Variants in PLXNA4 observed in about 807,000 individuals in gnomAD.
PLXNA4 encodes the protein plexin A4.
Under a neutral mutation model 191.8 loss-of-function variants are expected in PLXNA4, and 44 were observed. The ratio of observed to expected loss-of-function variants is 0.23; its 90% CI spans 0.18 to 0.29. The LOEUF (loss-of-function observed/expected upper bound fraction) is 0.29. Among genes scored for constraint, PLXNA4 ranks in the 10% least tolerant of loss-of-function variants. The probability of loss-of-function intolerance (pLI) is 1.00; values close to 1 mark genes in which losing one functional copy is unlikely to be tolerated. For missense variants in PLXNA4, 1,800 were observed against 2,488.8 expected (o/e 0.72, Z 5.89); for synonymous variants, 1,082 against 1,009.5 (o/e 1.07, Z -1.36).
intron 3 of PLXNA4, among the ~76,000 whole-genome samples, chr7:132,416,387 C>T (rs1794661921): frequency 1.3e-5 from 2 of 152,202 alleles, no homozygotes; most frequent in Middle Eastern, 3.2e-3. Flanking sequence ...TTAGCATATT[C>T]AACCTCTTTT....
chr7:132,378,080 A>T (rs1431744203), intron 3 of PLXNA4, among the ~76,000 whole-genome samples: 1 of 151,506 alleles, frequency 6.6e-6, no homozygotes, highest in Non-Finnish European at 1.5e-5. Context: ...CAACCATCAC[A>T]CTCTCCTGGT....
At chr7:132,274,335 CA>C (rs1250772782) in intron 4 of PLXNA4, among the ~76,000 whole-genome samples, 1 of 151,676 alleles carries the variant, frequency 6.6e-6, no homozygotes, top group Admixed American at 6.6e-5. Context: ...TTTGGACTTA[CA>C]AAAAAGTTAC....
At chr7:132,564,051 C>CG (rs1311980495) in intron 1 of PLXNA4, among the ~76,000 whole-genome samples, 46 of 490 alleles carry the variant, frequency 0.094, 5 homozygotes, top group East Asian at 0.25. Flanking sequence ...TTTTCCTCCC[C>CG]CTCTTTCTCC....
chr7:132,623,705 G>A (rs1209268428), intron 2 of PLXNA4, among the ~76,000 whole-genome samples: 2 of 152,140 alleles, frequency 1.3e-5, no homozygotes, highest in Non-Finnish European at 2.9e-5. Flanking sequence ...GGACCCTGGG[G>A]CTCTACAGAG....
chr7:132,294,317 C>G (rs1800997545), intron 4 of PLXNA4, among the ~76,000 whole-genome samples: 1 of 152,176 alleles, frequency 6.6e-6, no homozygotes, highest in Non-Finnish European at 1.5e-5. Flanking sequence ...ATTTCTGTGT[C>G]CAGAGCACTC....
rs752577095 is a variant in PLXNA4 at position 132,228,469 on chromosome 7, A to T, written c.1605T>A (p.Thr535=). 2.4e-5 allele frequency: 39 copies of T among 1,613,986 alleles called. No homozygotes were observed. In the East Asian group the frequency reaches 6.9e-4, roughly 29 times the overall value. Reference sequence around the variant, plus strand: ...GCTCACACCGCTCCTTCCGGGTGCAACTGGGAAGGACATACCCTCGAGTTA... The same window carrying T: ...GCTCACACCGCTCCTTCCGGGTGCATCTGGGAAGGACATACCCTCGAGTTA... ...PHCGWCVLHN[T]CTRKERCERS... Residue 535 remains threonine (T), a splice_region_variant and synonymous_variant, in exon 6 of 32, where the codon ACT becomes ACA. Transcript: ENST00000321063.
At chr7:132,353,451 T>C (rs969645844) in intron 3 of PLXNA4, among the ~76,000 whole-genome samples, 1 of 151,742 alleles carries the variant, frequency 6.6e-6, no homozygotes, top group Non-Finnish European at 1.5e-5. Context: ...ATGCAACATA[T>C]ATATATATAT....
At chr7:132,431,442 C>T (rs577576700) in intron 3 of PLXNA4, among the ~76,000 whole-genome samples, 1 of 152,280 alleles carries the variant, frequency 6.6e-6, no homozygotes, top group African/African-American at 2.4e-5. Flanking sequence ...ATGTGCAGTC[C>T]CATGTGGGGA....
At chr7:132,539,409 G>A (rs1311066795) in intron 1 of PLXNA4, among the ~76,000 whole-genome samples, 2 of 152,184 alleles carry the variant, frequency 1.3e-5, no homozygotes, top group Non-Finnish European at 2.9e-5. Context: ...GGTCCCCAGA[G>A]CAGCAACACC....
intron 2 of PLXNA4, among the ~76,000 whole-genome samples, chr7:132,624,559 T>A (rs539878588): frequency 1.8e-4 from 27 of 152,082 alleles, no homozygotes; most frequent in Non-Finnish European, 3.5e-4. Context: ...TAGAAACCAA[T>A]TCAAAGCCCA....
chr7:132,491,402 G>T (rs970720029), intron 2 of PLXNA4, among the ~76,000 whole-genome samples: 12 of 152,314 alleles, frequency 7.9e-5, no homozygotes, highest in Middle Eastern at 3.4e-3. Context: ...GTGCGGGCAG[G>T]CACTGTCCCT....
chr7:132,352,057 G>A (rs187465636), intron 3 of PLXNA4, among the ~76,000 whole-genome samples: 3 of 152,132 alleles, frequency 2.0e-5, no homozygotes, highest in Admixed American at 6.5e-5. Flanking sequence ...ACATAATATC[G>A]GCCTTTAATT....
At chr7:132,414,165 G>T (rs1436850290) in intron 3 of PLXNA4, among the ~76,000 whole-genome samples, 1 of 152,194 alleles carries the variant, frequency 6.6e-6, no homozygotes, top group African/African-American at 2.4e-5. Context: ...AACCTTGTAA[G>T]GACATGAGTC....
At chr7:132,363,649 T>C (rs910071534) in intron 3 of PLXNA4, among the ~76,000 whole-genome samples, 2 of 152,268 alleles carry the variant, frequency 1.3e-5, no homozygotes, top group Non-Finnish European at 2.9e-5. Flanking sequence ...AATTCTACTA[T>C]GAATATGGTT....
At chr7:132,518,799 G>A (rs568094679) in intron 1 of PLXNA4, among the ~76,000 whole-genome samples, 3 of 152,188 alleles carry the variant, frequency 2.0e-5, no homozygotes, top group African/African-American at 4.8e-5. Context: ...TGTCCCAGCC[G>A]GACCTCTGAG....
At chr7:132,207,963 C>G (rs1797680065) in intron 10 of PLXNA4, among the ~76,000 whole-genome samples, 1 of 152,184 alleles carries the variant, frequency 6.6e-6, no homozygotes, top group Non-Finnish European at 1.5e-5. Context: ...GCTGTGTGAT[C>G]TGGAGATGGT....
intron 4 of PLXNA4, among the ~76,000 whole-genome samples, chr7:132,277,097 C>T (rs1403288383): frequency 3.3e-5 from 5 of 152,140 alleles, no homozygotes; most frequent in Non-Finnish European, 5.9e-5. Flanking sequence ...AGTCACTTGG[C>T]CCCTTTTTCT....
At position 132,331,623 on chromosome 7, in the gene PLXNA4, A is replaced by G. The variant is rs2116697251; in HGVS notation, c.1372-33401T>C. Among the ~76,000 whole-genome samples, 3 of 152,320 alleles carry G rather than the reference A, an allele frequency of 2.0e-5. No homozygotes were observed. The Middle Eastern group carries it at 0.01, about 518-fold the overall frequency. On this transcript the variant is annotated intron_variant, in intron 3 of 31. Transcript: ENST00000321063. ...AGTGAACAGCTCACTCAGCCATTGCATGTAATAATAACCTCAAAGTGCACA... is the reference window on the plus strand; with the variant it reads ...AGTGAACAGCTCACTCAGCCATTGCGTGTAATAATAACCTCAAAGTGCACA...
chr7:132,151,428 AGG>A (rs1795621704), intron 25 of PLXNA4, among the ~76,000 whole-genome samples: 2 of 73,358 alleles, frequency 2.7e-5, no homozygotes, highest in African/African-American at 6.4e-5. Flanking sequence ...GAGGAGGAGG[AGG>A]AAGGAGGAGG....
Sources: allele counts gnomAD v4.1 joint callset (sites outside exome capture counted in the v4.1 genomes callset), GRCh38; gene constraint gnomAD v4.1.1; transcripts MANE v1.5; gene names NCBI Gene and HGNC (gene_info 2026-07-23, HGNC 2026-07-21).